ELOVL5: variants seen among roughly 807,000 people sequenced by gnomAD.
The protein encoded by ELOVL5 is ELOVL fatty acid elongase 5.
Under a neutral mutation model 38.6 loss-of-function variants are expected in ELOVL5, and 8 were observed. The observed-to-expected ratio is 0.21, with a 90% CI of 0.12 to 0.37. The LOEUF (loss-of-function observed/expected upper bound fraction) is 0.37. Ranked by LOEUF, ELOVL5 falls within the 10% of genes least tolerant of loss-of-function variation. ELOVL5 has a pLI of 1.00. For missense variants in ELOVL5, 280 were observed against 367.8 expected, an observed-to-expected ratio of 0.76 and a Z score of 1.95; for synonymous variants, 127 against 133.7, an observed-to-expected ratio of 0.95 and a Z score of 0.34.
intron 1 of ELOVL5, among the ~76,000 whole-genome samples, chr6:53,302,686 G>A (rs1272397937): frequency 6.6e-6 from 1 of 151,848 alleles, no homozygotes; most frequent in Non-Finnish European, 1.5e-5. Context: ...TTAAAGAAAA[G>A]TTTATTTCCT....
chr6:53,307,290 G>C (rs1420673129), intron 1 of ELOVL5, among the ~76,000 whole-genome samples: 1 of 152,188 alleles, frequency 6.6e-6, no homozygotes, highest in Non-Finnish European at 1.5e-5. Context: ...TGGAGCCAGA[G>C]AGCCTGGGTT....
intron 1 of ELOVL5, among the ~76,000 whole-genome samples, chr6:53,314,277 C>T (rs1767950871): frequency 6.6e-6 from 1 of 152,152 alleles, no homozygotes; most frequent in Non-Finnish European, 1.5e-5. Context: ...TCTAGGCTGT[C>T]ATAGAGCCAT....
chr6:53,292,803 AAAAAC>A lies in ELOVL5; in HGVS notation c.59-845_59-841del, dbSNP rs540937961. 9.2e-5 allele frequency among the ~76,000 whole-genome samples: 14 copies of A among 152,336 alleles called. No individual in the cohort carries two copies. In the East Asian group the frequency reaches 2.3e-3, roughly 25 times the overall value. ...GAGACTCCGTCTCAAAAATGAAAAT[AAAAAC>A]AAAACAAAACATGAAGGTGAAGCAG... is the stretch of plus-strand genomic sequence containing the variant. On this transcript the variant is annotated intron_variant, in intron 2 of 7. Coordinates refer to ENST00000304434, the MANE Select transcript of ELOVL5 (RefSeq NM_021814.5).
intron 2 of ELOVL5, chr6:53,294,350 TG>T (rs1305614226): frequency 6.4e-7 from 1 of 1,574,206 alleles, no homozygotes; most frequent in African/African-American, 1.3e-5. Context: ...CAAAGAGCTC[TG>T]GGAAACAACT....
intron 3 of ELOVL5, among the ~76,000 whole-genome samples, chr6:53,285,752 G>A (rs368998245): frequency 6.6e-6 from 1 of 151,940 alleles, no homozygotes; most frequent in South Asian, 2.1e-4. Context: ...AGGACAACAA[G>A]CTCGAGCCAT....
intron 1 of ELOVL5, among the ~76,000 whole-genome samples, chr6:53,314,939 G>T (rs1767971539): frequency 6.6e-6 from 1 of 152,180 alleles, no homozygotes; most frequent in Non-Finnish European, 1.5e-5. Context: ...GCAGTGACAT[G>T]TTTAAAATGT....
At chr6:53,294,530 C>G in intron 2 of ELOVL5, 1 of 1,530,184 alleles carries the variant, frequency 6.5e-7, no homozygotes, top group Admixed American at 2.0e-5. Context: ...GAACAAGGAT[C>G]CTTGGTTACA....
At chr6:53,345,067 G>A (rs981467012) in intron 1 of ELOVL5, among the ~76,000 whole-genome samples, 3 of 152,132 alleles carry the variant, frequency 2.0e-5, no homozygotes, top group African/African-American at 7.2e-5. Flanking sequence ...TCTGGGATGG[G>A]CCCCCAGCTT....
chr6:53,271,651 C>G (rs1416276841), intron 6 of ELOVL5, among the ~76,000 whole-genome samples: 1 of 152,130 alleles, frequency 6.6e-6, no homozygotes, highest in Admixed American at 6.5e-5. Flanking sequence ...ATTTTTGAGA[C>G]AGGGTCTATG....
chr6:53,318,857 T>G (rs1468514409), intron 1 of ELOVL5, among the ~76,000 whole-genome samples: 1 of 146,132 alleles, frequency 6.8e-6, no homozygotes, highest in Non-Finnish European at 1.5e-5. Flanking sequence ...TAACCCAATA[T>G]ATCTAAAATA....
chr6:53,300,300 A>G (rs1035148812), intron 1 of ELOVL5, among the ~76,000 whole-genome samples: 5 of 152,154 alleles, frequency 3.3e-5, no homozygotes, highest in African/African-American at 1.2e-4. Context: ...AGTGTCCCTC[A>G]ATACCATGTA....
At chr6:53,270,829 C>CACTT (rs1765892210) in intron 6 of ELOVL5, 102 bp from the exon 7 acceptor site, 2 of 1,337,064 alleles carry the variant, frequency 1.5e-6, no homozygotes, top group Non-Finnish European at 2.1e-6. Flanking sequence ...TCTGAATTAA[C>CACTT]ACTTACTACC....
At chr6:53,275,387 C>A in intron 4 of ELOVL5, 126 bp from the exon 5 acceptor site, 1 of 867,722 alleles carries the variant, frequency 1.2e-6, no homozygotes, top group Non-Finnish European at 1.8e-6. Context: ...GCCCCAAGAG[C>A]TCTTAATGTC....
At chr6:53,343,187 T>TTCCC (rs781495370) in intron 1 of ELOVL5, among the ~76,000 whole-genome samples, 6 of 147,240 alleles carry the variant, frequency 4.1e-5, no homozygotes, top group Admixed American at 6.7e-5. Context: ...TTCTGACATT[T>TTCCC]TCCCTCCCTC....
chr6:53,303,012 A>G (rs1282917103), intron 1 of ELOVL5, among the ~76,000 whole-genome samples: 1 of 152,124 alleles, frequency 6.6e-6, no homozygotes, highest in African/African-American at 2.4e-5. Flanking sequence ...ATTCCCATCC[A>G]TCACTTTTAT....
chr6:53,286,621 C>T (rs754289222), intron 3 of ELOVL5, among the ~76,000 whole-genome samples: 12 of 152,052 alleles, frequency 7.9e-5, no homozygotes, highest in Non-Finnish European at 1.6e-4. Context: ...CAAAGAAACA[C>T]TTATAAAATG....
At chr6:53,269,400 G>C in intron 7 of ELOVL5, 130 bp from the exon 8 acceptor site, 1 of 604,260 alleles carries the variant, frequency 1.7e-6, no homozygotes, top group Non-Finnish European at 2.6e-6. Context: ...AACTCCTGAG[G>C]TCAAGTCCTC....
chr6:53,302,642 T>C (rs1159409010), intron 1 of ELOVL5, among the ~76,000 whole-genome samples: 5 of 142,190 alleles, frequency 3.5e-5, no homozygotes, highest in African/African-American at 4.9e-5. Flanking sequence ...TTTAAAAATA[T>C]ACATTATAGT....
chr6:53,331,554 G>A (rs1470412640), intron 1 of ELOVL5, among the ~76,000 whole-genome samples: 3 of 152,128 alleles, frequency 2.0e-5, no homozygotes, highest in African/African-American at 7.2e-5. Flanking sequence ...CCAGGCAAGA[G>A]GAATTTTTCA....
Sources: allele counts gnomAD v4.1 joint callset (sites outside exome capture counted in the v4.1 genomes callset), GRCh38; gene constraint gnomAD v4.1.1; transcripts MANE v1.5; gene names NCBI Gene and HGNC (gene_info 2026-07-23, HGNC 2026-07-21).